The following KMT2C variants were observed in gnomAD, a reference collection of about 807,000 sequenced individuals.
KMT2C encodes histone-lysine N-methyltransferase 2C.
Under a neutral mutation model 507.9 loss-of-function variants are expected in KMT2C, and 88 were observed. The ratio of observed to expected loss-of-function variants is 0.17; its 90% CI spans 0.15 to 0.21. The LOEUF (loss-of-function observed/expected upper bound fraction) is 0.21, where lower values mean the gene tolerates loss of function less well. Ranked by LOEUF, KMT2C falls within the 10% of genes least tolerant of loss-of-function variation. The pLI is 1.00. For missense variants in KMT2C, 4,954 were observed against 5,957.8 expected, an observed-to-expected ratio of 0.83 and a Z score of 5.55; for synonymous variants, 2,049 against 2,080.8, an observed-to-expected ratio of 0.98 and a Z score of 0.42.
intron 49 of KMT2C, among the ~76,000 whole-genome samples, chr7:152,151,885 G>C (rs765388305): frequency 6.6e-6 from 1 of 152,184 alleles, no homozygotes; most frequent in Non-Finnish European, 1.5e-5. Context: ...GTAAGACAGA[G>C]AGGGAAACAG....
chr7:152,246,701 C>A (rs1392549384), intron 14 of KMT2C, among the ~76,000 whole-genome samples: 5 of 151,774 alleles, frequency 3.3e-5, no homozygotes, highest in South Asian at 4.2e-4. Context: ...CAAAAAAAAA[C>A]TTACTAGAAA....
intron 1 of KMT2C, among the ~76,000 whole-genome samples, chr7:152,412,410 T>A (rs981383253): frequency 1.1e-4 from 16 of 151,992 alleles, no homozygotes; most frequent in African/African-American, 3.4e-4. Flanking sequence ...CAAAAAAAAA[T>A]TTTTTTAATG....
In KMT2C at chr7:152,154,338, A is replaced by G; in HGVS notation, c.12068T>C (p.Leu4023Ser). The G allele has an allele frequency of 6.2e-7, 1 of 1,614,210 alleles. No individual in the cohort carries two copies. The highest frequency in any genetic ancestry group is 8.5e-7 in the Non-Finnish European group (1 of 1,180,024). The change falls in exon 47 of 59, where the codon TTG (leucine) becomes TCG (serine). Residue 4023 changes from leucine to serine, a missense_variant. Coordinates refer to ENST00000262189, the MANE Select transcript of KMT2C (RefSeq NM_170606.3). ...CGGTTCTGGAGGCTCCTCCTTGACCAATGACAGATCTGGATACCTGCTCAC... is the reference window on the plus strand; with the variant it reads ...CGGTTCTGGAGGCTCCTCCTTGACCGATGACAGATCTGGATACCTGCTCAC... Reference protein sequence around the residue: ...VEVSRYPDLSLVKEEPPEPVP... With the variant: ...VEVSRYPDLSSVKEEPPEPVP...
chr7:152,161,327 A>T (rs2092444177), intron 43 of KMT2C, among the ~76,000 whole-genome samples: 1 of 152,144 alleles, frequency 6.6e-6, no homozygotes, highest in Non-Finnish European at 1.5e-5. Flanking sequence ...ATACCACTCA[A>T]CCCTTAATTA....
intron 1 of KMT2C, among the ~76,000 whole-genome samples, chr7:152,417,017 C>T (rs1353711050): frequency 7.4e-6 from 1 of 135,168 alleles, no homozygotes; most frequent in Non-Finnish European, 1.5e-5. Flanking sequence ...CCACTGCACT[C>T]TAGCCTGGGT....
intron 34 of KMT2C, among the ~76,000 whole-genome samples, chr7:152,184,236 C>T (rs770081363): frequency 9.9e-5 from 15 of 151,468 alleles, no homozygotes; most frequent in Non-Finnish European, 2.2e-4. Flanking sequence ...CATATTAACA[C>T]ATCTATATAT....
At chr7:152,155,490 G>A (rs1291728647) in intron 46 of KMT2C, among the ~76,000 whole-genome samples, 4 of 152,100 alleles carry the variant, frequency 2.6e-5, no homozygotes, top group Admixed American at 1.3e-4. Flanking sequence ...TCTCTTCCAC[G>A]ACGGCGTTCT....
chr7:152,260,166 C>T (rs1373754974), intron 9 of KMT2C, among the ~76,000 whole-genome samples: 8 of 152,176 alleles, frequency 5.3e-5, no homozygotes, highest in Admixed American at 3.3e-4. Flanking sequence ...ATTTTGACTC[C>T]ACAGCATAAG....
chr7:152,231,480 A>T (rs1404548572), intron 16 of KMT2C, among the ~76,000 whole-genome samples: 2 of 152,300 alleles, frequency 1.3e-5, no homozygotes, highest in Non-Finnish European at 2.9e-5. Context: ...CTTGAGGAAC[A>T]ACTGAAAGAA....
At chr7:152,433,626 G>A (rs776974536) in intron 1 of KMT2C, among the ~76,000 whole-genome samples, 5 of 152,228 alleles carry the variant, frequency 3.3e-5, no homozygotes, top group South Asian at 2.1e-4. Context: ...GCTCTCTACA[G>A]ACTTACATTT....
intron 1 of KMT2C, among the ~76,000 whole-genome samples, chr7:152,394,113 T>G (rs1011857873): frequency 2.0e-5 from 3 of 152,226 alleles, no homozygotes; most frequent in Non-Finnish European, 2.9e-5. Context: ...ATTTCTCTGA[T>G]GCCTATCATG....
At chr7:152,364,121 G>C (rs1563997807) in intron 1 of KMT2C, among the ~76,000 whole-genome samples, 1 of 152,100 alleles carries the variant, frequency 6.6e-6, no homozygotes. Context: ...GAGTGACTCT[G>C]TATGAAAAAA....
intron 31 of KMT2C, among the ~76,000 whole-genome samples, chr7:152,192,524 G>A (rs1029926930): frequency 6.6e-6 from 1 of 151,616 alleles, no homozygotes; most frequent in South Asian, 2.1e-4. Flanking sequence ...CTGGGCGAAG[G>A]TGTGAGACTC....
At chr7:152,215,655 G>C (rs1292124554) in intron 23 of KMT2C, among the ~76,000 whole-genome samples, 1 of 140,448 alleles carries the variant, frequency 7.1e-6, no homozygotes, top group Non-Finnish European at 1.5e-5. Context: ...ACAGTAAATA[G>C]TAGTAAGACA....
At chr7:152,355,963 T>A (rs1276491181) in intron 2 of KMT2C, among the ~76,000 whole-genome samples, 3 of 152,060 alleles carry the variant, frequency 2.0e-5, no homozygotes, top group East Asian at 3.9e-4. Context: ...ATGGAAAAGT[T>A]ATTGATGCAG....
At chr7:152,139,309 C>T (rs779422466) in intron 56 of KMT2C, 50 bp from the exon 57 acceptor site, 3 of 1,534,760 alleles carry the variant, frequency 2.0e-6, no homozygotes, top group African/African-American at 2.7e-5. Context: ...TGAAACTCCC[C>T]TCTGTGTTCC....
chr7:152,282,160 G>A (rs2096226716), intron 6 of KMT2C, among the ~76,000 whole-genome samples: 1 of 152,218 alleles, frequency 6.6e-6, no homozygotes, highest in African/African-American at 2.4e-5. Flanking sequence ...AGCCAGGCGT[G>A]GTGGTGCACG....
intron 1 of KMT2C, among the ~76,000 whole-genome samples, chr7:152,428,269 T>C (rs1447596331): frequency 6.6e-6 from 1 of 151,924 alleles, no homozygotes; most frequent in Non-Finnish European, 1.5e-5. Flanking sequence ...TAGGCGCAAA[T>C]ACCGTTTTAG....
intron 4 of KMT2C, among the ~76,000 whole-genome samples, chr7:152,314,257 T>A (rs2096702549): frequency 6.6e-6 from 1 of 152,134 alleles, no homozygotes; most frequent in South Asian, 2.1e-4. Flanking sequence ...AACACAACAA[T>A]GATTTAGTAC....
Sources: allele counts gnomAD v4.1 joint callset (sites outside exome capture counted in the v4.1 genomes callset), GRCh38; gene constraint gnomAD v4.1.1; transcripts MANE v1.5; gene names NCBI Gene and HGNC (gene_info 2026-07-23, HGNC 2026-07-21).